Variants in CRPPA observed in about 807,000 individuals in gnomAD.
The protein encoded by CRPPA is CDP-L-ribitol pyrophosphorylase A.
In CRPPA, 43 loss-of-function variants were observed where a neutral mutation model predicts 52.0. The ratio of observed to expected loss-of-function variants is 0.83; its 90% CI spans 0.65 to 1.07. The LOEUF (loss-of-function observed/expected upper bound fraction) is 1.07. Ranked by LOEUF, CRPPA falls within the 50% of genes least tolerant of loss-of-function variation. The pLI is 0.00. For missense variants in CRPPA, 629 were observed against 551.7 expected (o/e 1.14, Z -1.40); for synonymous variants, 250 against 203.5 (o/e 1.23, Z -1.94).
chr7:16,235,687 A>C (rs1280326724), intron 8 of CRPPA, among the ~76,000 whole-genome samples: 1 of 152,088 alleles, frequency 6.6e-6, no homozygotes, highest in Non-Finnish European at 1.5e-5. Context: ...GGTATCTTAG[A>C]GCCAGGCAAA....
chr7:16,121,418 A>T (rs1782478354), intron 9 of CRPPA, among the ~76,000 whole-genome samples: 1 of 152,066 alleles, frequency 6.6e-6, no homozygotes, highest in African/African-American at 2.4e-5. Flanking sequence ...AATAAAAAAA[A>T]TTACCTAGTT....
intron 5 of CRPPA, among the ~76,000 whole-genome samples, chr7:16,297,444 G>A (rs1184893157): frequency 1.3e-5 from 2 of 152,260 alleles, no homozygotes; most frequent in East Asian, 3.9e-4. Context: ...GGTAAGGCAG[G>A]AGAGAAGGGC....
intron 9 of CRPPA, among the ~76,000 whole-genome samples, chr7:16,103,954 G>T (rs1411540046): frequency 6.6e-6 from 1 of 152,030 alleles, no homozygotes; most frequent in Non-Finnish European, 1.5e-5. Flanking sequence ...GCAAAAAAAA[G>T]AATAAAATGG....
intron 9 of CRPPA, among the ~76,000 whole-genome samples, chr7:16,136,104 T>C (rs987716185): frequency 3.3e-5 from 5 of 152,166 alleles, no homozygotes; most frequent in Admixed American, 6.5e-5. Context: ...AGCTAAAAAG[T>C]ACAATTGTGT....
At chr7:16,205,210 A>G (rs1781947260) in intron 9 of CRPPA, among the ~76,000 whole-genome samples, 3 of 152,090 alleles carry the variant, frequency 2.0e-5, no homozygotes, top group Non-Finnish European at 2.9e-5. Context: ...AGATAATTAA[A>G]CTCTAAATAA....
At chr7:16,308,676 A>G in intron 3 of CRPPA, 49 bp from the exon 4 acceptor site, 1 of 1,079,284 alleles carries the variant, frequency 9.3e-7, no homozygotes, top group Middle Eastern at 2.0e-4. Flanking sequence ...TGCGATTTTA[A>G]GTAAAACCAA....
intron 3 of CRPPA, among the ~76,000 whole-genome samples, chr7:16,326,522 A>G (rs188580292): frequency 8.5e-5 from 13 of 152,328 alleles, no homozygotes; most frequent in Admixed American, 2.0e-4. Context: ...ATGAGCTAAA[A>G]TTATCTTAAT....
chr7:16,301,438 G>A lies in CRPPA; in HGVS notation c.818C>T (p.Ala273Val). The A allele has an allele frequency of 1.9e-6, 3 of 1,612,680 alleles. No homozygotes were observed. Among genetic ancestry groups the A allele is most frequent in the Non-Finnish European group, 2.5e-6 (3 of 1,179,192 alleles). Residue 273 changes from alanine to valine, a missense_variant, in exon 5 of 10, where the codon GCT becomes GTT. Ala to Val is a moderately conservative substitution (Grantham distance 64, BLOSUM62 0). Transcript: ENST00000407010. ...AAACATACCCTTAATAATCGATTCAGCCGCATAGAGATCTCGTTTGTAGGT... is the reference window on the plus strand; with the variant it reads ...AAACATACCCTTAATAATCGATTCAACCGCATAGAGATCTCGTTTGTAGGT... ...KVTYKRDLYAAESIIKERISQ... is the reference protein window; with the variant it reads ...KVTYKRDLYAVESIIKERISQ...
intron 8 of CRPPA, among the ~76,000 whole-genome samples, chr7:16,239,155 A>AAAAAAAAAAAAAAC (rs1198801568): frequency 6.8e-6 from 1 of 147,496 alleles, no homozygotes; most frequent in Admixed American, 6.8e-5. Flanking sequence ...AAAAAAAAAA[A>AAAAAAAAAAAAAAC]AAGCCATTTA....
intron 8 of CRPPA, among the ~76,000 whole-genome samples, chr7:16,219,988 C>T (rs1393744736): frequency 2.8e-5 from 4 of 143,112 alleles, no homozygotes; most frequent in East Asian, 4.1e-4. Flanking sequence ...GAGACACAAC[C>T]AAAAAAGAGA....
intron 9 of CRPPA, among the ~76,000 whole-genome samples, chr7:16,115,909 G>A (rs1393284841): frequency 6.6e-6 from 1 of 152,212 alleles, no homozygotes; most frequent in South Asian, 2.1e-4. Flanking sequence ...GACATAGATG[G>A]CACAAAAGGT....
At chr7:16,280,209 T>C (rs1216035935) in intron 5 of CRPPA, among the ~76,000 whole-genome samples, 1 of 152,172 alleles carries the variant, frequency 6.6e-6, no homozygotes, top group Non-Finnish European at 1.5e-5. Flanking sequence ...TAAAATGATT[T>C]AGTAGTGAGT....
chr7:16,317,241 C>T (rs1785162238), intron 3 of CRPPA, among the ~76,000 whole-genome samples: 1 of 152,112 alleles, frequency 6.6e-6, no homozygotes, highest in Non-Finnish European at 1.5e-5. Context: ...TGCCTCTCAG[C>T]TTCTTCCACA....
At chr7:16,292,851 T>C (rs1784590442) in intron 5 of CRPPA, among the ~76,000 whole-genome samples, 1 of 151,930 alleles carries the variant, frequency 6.6e-6, no homozygotes, top group Admixed American at 6.6e-5. Context: ...CACAAGTATC[T>C]TTAAAAAATT....
rs557353834 is a variant in CRPPA at position 16,089,871 on chromosome 7, C to T, written c.*1824G>A. On this transcript the variant is annotated 3_prime_UTR_variant, in exon 10 of 10. Coordinates refer to ENST00000407010, the MANE Select transcript of CRPPA (RefSeq NM_001101426.4). ...CGATCAGGGTGATTTTGCTGTGCCA[C>T]AAATATGCCCAGTTTACTGCATTCT... 3 of 163,214 alleles carry T rather than the reference C, an allele frequency of 1.8e-5. No homozygotes were observed. The East Asian group carries it at 5.1e-4, about 28-fold the overall frequency. The allele number at this position is 163,214 out of a possible 1,614,324, so 10.1% of individuals were successfully genotyped here. A position where few individuals can be genotyped will look rare whatever the true frequency, so the allele number is the denominator to read the frequency against.
chr7:16,394,418 A>G (rs570907052), intron 2 of CRPPA, among the ~76,000 whole-genome samples: 52 of 152,292 alleles, frequency 3.4e-4, no homozygotes, highest in Non-Finnish European at 6.3e-4. Context: ...ATTCTTCAGG[A>G]AAAGATGTTA....
chr7:16,215,585 T>C (rs946283841), intron 9 of CRPPA, among the ~76,000 whole-genome samples: 1 of 152,174 alleles, frequency 6.6e-6, no homozygotes, highest in East Asian at 1.9e-4. Context: ...AAATAACCTG[T>C]TTAGGGAGAT....
chr7:16,345,381 A>G (rs1055755417), intron 3 of CRPPA, among the ~76,000 whole-genome samples: 5 of 152,230 alleles, frequency 3.3e-5, no homozygotes, highest in Non-Finnish European at 2.9e-5. Flanking sequence ...ATGAAAGGAC[A>G]TGAGACAGTA....
chr7:16,413,266 T>G (rs73072875), intron 1 of CRPPA, among the ~76,000 whole-genome samples: 2,829 of 152,270 alleles, frequency 0.019, 37 homozygotes, highest in Non-Finnish European at 0.026. Flanking sequence ...CCATGAAGGC[T>G]CCCGGTTGTC....
Sources: gnomAD v4.1 joint callset for allele counts (sites outside exome capture counted in the v4.1 genomes callset) on GRCh38, gnomAD v4.1.1 for gene constraint, MANE v1.5 for transcripts, NCBI Gene and HGNC (gene_info 2026-07-23, HGNC 2026-07-21) for gene names.